Variants in UNC5D observed in about 807,000 individuals in gnomAD.
UNC5D encodes netrin receptor UNC5D.
UNC5D carries 39 observed loss-of-function variants against 105.4 expected under a neutral mutation model. That is an observed-to-expected ratio of 0.37 (90% CI 0.29 to 0.48). The LOEUF (loss-of-function observed/expected upper bound fraction) is 0.48, where lower values mean the gene tolerates loss of function less well. Ranked by LOEUF, UNC5D falls within the 20% of genes least tolerant of loss-of-function variation. UNC5D has a pLI of 0.98. For synonymous variants in UNC5D, 452 were observed against 450.4 expected (o/e 1.00, Z -0.04); for missense variants, 991 against 1,202.4 (o/e 0.82, Z 2.60).
intron 1 of UNC5D, among the ~76,000 whole-genome samples, chr8:35,321,950 T>C (rs1449030429): frequency 6.6e-6 from 1 of 152,214 alleles, no homozygotes; most frequent in East Asian, 1.9e-4. Context: ...TCCTATTTTG[T>C]AGGCAGAAAC....
intron 4 of UNC5D, among the ~76,000 whole-genome samples, chr8:35,596,988 G>C (rs1018306810): frequency 6.6e-6 from 1 of 152,220 alleles, no homozygotes. Context: ...TGGGAAGCTA[G>C]GAAACAGTGT....
intron 1 of UNC5D, among the ~76,000 whole-genome samples, chr8:35,398,520 A>C (rs576237156): frequency 6.4e-4 from 97 of 152,100 alleles, no homozygotes; most frequent in South Asian, 1.7e-3. Context: ...CAGTGCTTCT[A>C]AGCAGACATT....
At chr8:35,564,205 T>C (rs1308921450) in intron 2 of UNC5D, among the ~76,000 whole-genome samples, 1 of 152,130 alleles carries the variant, frequency 6.6e-6, no homozygotes. Context: ...TGGTCCATTC[T>C]GGAGAATATG....
chr8:35,705,948 A>T lies in UNC5D; in HGVS notation c.1104A>T (p.Glu368Asp). Residue 368 changes from glutamate (E) to aspartate (D), a missense_variant, in exon 8 of 17, where the codon GAA (glutamate) becomes GAT (aspartate). Around this residue, in one of 3 missense-constraint regions of UNC5D, gnomAD observed 944 missense variants for 1,131.6 expected, o/e 0.83. Coordinates refer to ENST00000404895, the MANE Select transcript of UNC5D (RefSeq NM_080872.4). ...TTTTAGATAAAAAACCTCTTCATGAAATAAAACCCCAAAGTAAGTTATTTT... is the reference window on the plus strand; with the variant it reads ...TTTTAGATAAAAAACCTCTTCATGATATAAAACCCCAAAGTAAGTTATTTT... ...LCILDKKPLH[E>D]IKPQSIENAS... is the part of the protein sequence containing the mutation. 1 of 1,322,686 alleles carries T rather than the reference A, an allele frequency of 7.6e-7. No individual in the cohort carries two copies. The allele number at this position is 1,322,686 out of a possible 1,614,324, so 81.9% of individuals were successfully genotyped here. A position where few individuals can be genotyped will look rare whatever the true frequency, so the allele number is the denominator to read the frequency against.
chr8:35,252,866 A>G (rs1220338729), intron 1 of UNC5D, among the ~76,000 whole-genome samples: 2 of 152,074 alleles, frequency 1.3e-5, no homozygotes, highest in Admixed American at 6.6e-5. Context: ...ATCATTTTAT[A>G]TTTGTCAGCA....
chr8:35,620,266 A>G lies in UNC5D; in HGVS notation c.570+24609A>G, dbSNP rs775970968. On this transcript the variant is annotated intron_variant, in intron 4 of 16. Transcript: ENST00000404895. ...AACTTTGATCCCATTGGAGGCAGGT[A>G]GGAAACTCCGGCTTCTCGGGCTGTA... Among the ~76,000 whole-genome samples the G allele has an allele frequency of 2.0e-5, 3 of 152,208 alleles. 1 individual carries two copies. The highest frequency in any genetic ancestry group is 4.4e-5 in the Non-Finnish European group (3 of 68,038).
intron 3 of UNC5D, 41 bp downstream of exon 3, chr8:35,568,282 A>G (rs1817492595): frequency 6.2e-7 from 1 of 1,606,352 alleles, no homozygotes; most frequent in Non-Finnish European, 8.5e-7. Flanking sequence ...AGGACCACAA[A>G]TGAGAGTTAA....
intron 1 of UNC5D, among the ~76,000 whole-genome samples, chr8:35,352,571 T>C (rs1242755012): frequency 1.8e-4 from 28 of 152,136 alleles, no homozygotes; most frequent in Admixed American, 1.8e-3. Context: ...AAGACATCTT[T>C]GTTCTGTAAA....
At chr8:35,706,364 C>T (rs1300370334) in intron 8 of UNC5D, among the ~76,000 whole-genome samples, 1 of 152,164 alleles carries the variant, frequency 6.6e-6, no homozygotes, top group African/African-American at 2.4e-5. Flanking sequence ...GAATCCATGG[C>T]AGCTGGGCAG....
intron 1 of UNC5D, among the ~76,000 whole-genome samples, chr8:35,243,417 T>C (rs2128803099): frequency 6.6e-6 from 1 of 152,278 alleles, no homozygotes; most frequent in Non-Finnish European, 1.5e-5. Flanking sequence ...CCTTTTGAGC[T>C]AATTGGGGTC....
At chr8:35,299,966 G>C (rs1807804963) in intron 1 of UNC5D, among the ~76,000 whole-genome samples, 1 of 151,930 alleles carries the variant, frequency 6.6e-6, no homozygotes, top group Admixed American at 6.6e-5. Context: ...AAAATAAAAA[G>C]GATATATGAA....
In UNC5D at chr8:35,609,935, G is replaced by T. The variant is rs576227090; in HGVS notation, c.570+14278G>T. Among the ~76,000 whole-genome samples the T allele has an allele frequency of 3.3e-5, 5 of 152,232 alleles. No homozygotes were observed. In the East Asian group the frequency reaches 9.6e-4, roughly 29 times the overall value. Reference sequence around the variant, plus strand: ...ACCTTGGGGGGCATGTCCAAATTCTGTTATCACAAGACATATACAATAGAC... The same window carrying T: ...ACCTTGGGGGGCATGTCCAAATTCTTTTATCACAAGACATATACAATAGAC... On this transcript the variant is annotated intron_variant, in intron 4 of 16. Coordinates refer to ENST00000404895, the MANE Select transcript of UNC5D (RefSeq NM_080872.4).
At chr8:35,723,356 CA>C (rs1448673022) in intron 9 of UNC5D, among the ~76,000 whole-genome samples, 15 of 152,126 alleles carry the variant, frequency 9.9e-5, no homozygotes, top group African/African-American at 3.1e-4. Context: ...TCAAAAGAGA[CA>C]CATCCCCTAC....
intron 1 of UNC5D, among the ~76,000 whole-genome samples, chr8:35,336,919 A>G (rs1811089035): frequency 6.6e-6 from 1 of 152,036 alleles, no homozygotes; most frequent in Admixed American, 6.6e-5. Flanking sequence ...TAACAGCTGG[A>G]TGCTGGATGA....
At chr8:35,566,247 T>C (rs1817328423) in intron 2 of UNC5D, among the ~76,000 whole-genome samples, 2 of 149,256 alleles carry the variant, frequency 1.3e-5, no homozygotes. Context: ...TGACCATCTC[T>C]CATCACACAT....
At chr8:35,484,264 C>A (rs1004321457) in intron 1 of UNC5D, among the ~76,000 whole-genome samples, 7 of 152,158 alleles carry the variant, frequency 4.6e-5, no homozygotes, top group African/African-American at 1.7e-4. Flanking sequence ...TTTGTCAGAA[C>A]CTTTACTAAG....
At chr8:35,246,351 G>T (rs1356519012) in intron 1 of UNC5D, among the ~76,000 whole-genome samples, 1 of 152,138 alleles carries the variant, frequency 6.6e-6, no homozygotes, top group Non-Finnish European at 1.5e-5. Context: ...TCATAATGAC[G>T]TTGGTAATCC....
rs554644249 is a variant in UNC5D, at chr8:35,549,920, C to A, written c.322+410C>A. 3.5e-5 allele frequency among the ~76,000 whole-genome samples: 5 copies of A among 144,150 alleles called. No homozygotes were observed. The East Asian group carries it at 1.0e-3, about 29-fold the overall frequency. 94.6% of individuals were successfully genotyped at this position (144,150 alleles called of 152,430 possible). A position where few individuals can be genotyped will look rare whatever the true frequency, so the allele number is the denominator to read the frequency against. On this transcript the variant is annotated intron_variant, in intron 2 of 16. Coordinates refer to ENST00000404895, the MANE Select transcript of UNC5D (RefSeq NM_080872.4). ...TCTTTCCTAGATTTTATTCTTTGCACTTTATTCTCCACATTTGGTGGTTTC... is the reference window on the plus strand; with the variant it reads ...TCTTTCCTAGATTTTATTCTTTGCAATTTATTCTCCACATTTGGTGGTTTC...
intron 4 of UNC5D, among the ~76,000 whole-genome samples, chr8:35,659,248 A>G (rs1167806773): frequency 3.9e-5 from 6 of 152,310 alleles, no homozygotes; most frequent in East Asian, 1.9e-4. Context: ...AAATATGCTT[A>G]CCCAAACCAA....
Sources: gnomAD v4.1 joint callset for allele counts (sites outside exome capture counted in the v4.1 genomes callset) on GRCh38, gnomAD v4.1.1 for gene constraint, gnomAD v4.1.1 regional missense constraint, MANE v1.5 for transcripts, NCBI Gene and HGNC (gene_info 2026-07-23, HGNC 2026-07-21) for gene names.